Variants in TMEM117 observed in about 807,000 individuals in gnomAD.
The protein encoded by TMEM117 is transmembrane protein 117.
Under a neutral mutation model 52.4 loss-of-function variants are expected in TMEM117, and 27 were observed. The observed-to-expected ratio is 0.51, with a 90% confidence interval of 0.38 to 0.71. The LOEUF is 0.71. Ranked by LOEUF, TMEM117 falls within the 30% of genes least tolerant of loss-of-function variation. The probability of loss-of-function intolerance (pLI) is 0.00; values close to 1 mark genes in which losing one functional copy is unlikely to be tolerated. For synonymous variants in TMEM117, 215 were observed against 206.3 expected (o/e 1.04, Z -0.36); for missense variants, 556 against 630.5 (o/e 0.88, Z 1.26).
intron 2 of TMEM117, among the ~76,000 whole-genome samples, chr12:43,930,707 A>G (rs1231195323): frequency 6.6e-6 from 1 of 152,242 alleles, no homozygotes; most frequent in African/African-American, 2.4e-5. Flanking sequence ...GTCTTATGAC[A>G]TCCGTTGTTG....
intron 3 of TMEM117, among the ~76,000 whole-genome samples, chr12:44,082,286 A>G (rs1565820070): frequency 1.3e-5 from 2 of 151,920 alleles, no homozygotes; most frequent in Non-Finnish European, 2.9e-5. Context: ...TCCAAATTCA[A>G]CATTTTTTCT....
chr12:44,345,799 A>T (rs1951478616), intron 6 of TMEM117, among the ~76,000 whole-genome samples: 1 of 152,120 alleles, frequency 6.6e-6, no homozygotes, highest in Non-Finnish European at 1.5e-5. Flanking sequence ...TACATTTTAA[A>T]ATTGAAAATA....
chr12:44,035,207 T>A (rs1374144138), intron 3 of TMEM117, among the ~76,000 whole-genome samples: 1 of 152,210 alleles, frequency 6.6e-6, no homozygotes, highest in Non-Finnish European at 1.5e-5. Context: ...TCTGTTTCTA[T>A]TGAGTTCTCT....
chr12:43,797,114 TAAC>T, the TMEM117 span: 10 of 1,570,716 alleles, frequency 6.4e-6, no homozygotes, highest in African/African-American at 1.4e-4. Context: ...GTTCAAATAA[TAAC>T]AAATATAATT....
intron 4 of TMEM117, among the ~76,000 whole-genome samples, chr12:44,210,671 A>G (rs1313013561): frequency 6.6e-6 from 1 of 152,156 alleles, no homozygotes; most frequent in Non-Finnish European, 1.5e-5. Context: ...GTTTTCTATA[A>G]GTGGGAGAGA....
chr12:44,366,413 T>C (rs989585151), intron 6 of TMEM117, among the ~76,000 whole-genome samples: 1 of 152,128 alleles, frequency 6.6e-6, no homozygotes, highest in Non-Finnish European at 1.5e-5. Context: ...CATTGACCTC[T>C]GGACTAACAA....
In TMEM117 at chr12:44,092,023, A is replaced by G. The variant is rs377108146; in HGVS notation, c.411-51502A>G. ...AGAACTGATGAGGGGGGAAAAAAGT[A>G]TAGCCATCCCATGTGACACAAGAAG... is the stretch of plus-strand genomic sequence containing the variant. On this transcript the variant is annotated intron_variant, in intron 3 of 7. Transcript: ENST00000266534. Among the ~76,000 whole-genome samples, 5 of 152,212 alleles carry G rather than the reference A, an allele frequency of 3.3e-5. No individual in the cohort carries two copies. The East Asian group carries it at 9.6e-4, about 29-fold the overall frequency.
At chr12:44,022,803 A>G (rs933122001) in intron 3 of TMEM117, among the ~76,000 whole-genome samples, 14 of 152,338 alleles carry the variant, frequency 9.2e-5, no homozygotes, top group Admixed American at 2.0e-4. Context: ...TATAGACTTC[A>G]CACATATTAT....
intron 4 of TMEM117, among the ~76,000 whole-genome samples, chr12:44,160,539 C>T (rs551027585): frequency 2.0e-5 from 3 of 152,126 alleles, no homozygotes; most frequent in Non-Finnish European, 4.4e-5. Context: ...TGTGGTAACT[C>T]ACACCTGTGA....
chr12:44,080,098 T>C (rs1341001357), intron 3 of TMEM117, among the ~76,000 whole-genome samples: 2 of 151,884 alleles, frequency 1.3e-5, no homozygotes, highest in African/African-American at 2.4e-5. Context: ...CAGAGTACCA[T>C]TGTAGAACCT....
Position 44,376,457 on chromosome 12 carries a change from G to T in TMEM117, c.769-138G>T, listed in dbSNP as rs935187144. 4 of 1,002,576 alleles carry T rather than the reference G, an allele frequency of 4.0e-6. No homozygotes were observed. The Admixed American group carries it at 7.3e-5, about 18-fold the overall frequency. 62.1% of individuals were successfully genotyped at this position (1,002,576 alleles called of 1,614,324 possible). On this transcript the variant is annotated intron_variant, in intron 6 of 7. Transcript: ENST00000266534. ...TAATGTACATAAAATAACCATCACAGAATGAAACTGATATATCCAACAGCT... is the reference window on the plus strand; with the variant it reads ...TAATGTACATAAAATAACCATCACATAATGAAACTGATATATCCAACAGCT...
At chr12:44,387,788 G>A (rs999558597) in intron 7 of TMEM117, among the ~76,000 whole-genome samples, 20 of 152,180 alleles carry the variant, frequency 1.3e-4, no homozygotes, top group African/African-American at 4.3e-4. Context: ...TAGTATAAAT[G>A]CCATAAATTA....
At chr12:43,870,841 A>C (rs562724293) in intron 2 of TMEM117, among the ~76,000 whole-genome samples, 1 of 151,224 alleles carries the variant, frequency 6.6e-6, no homozygotes, top group Admixed American at 6.6e-5. Flanking sequence ...CTGGAGTGCA[A>C]TGGTGCTATC....
At chr12:43,950,696 G>T (rs1304988126) in intron 3 of TMEM117, among the ~76,000 whole-genome samples, 2 of 152,162 alleles carry the variant, frequency 1.3e-5, no homozygotes, top group Non-Finnish European at 2.9e-5. Context: ...GGGCTAGTGG[G>T]CTCAAGCATG....
chr12:44,051,183 C>T (rs1001191273), intron 3 of TMEM117, among the ~76,000 whole-genome samples: 1 of 152,064 alleles, frequency 6.6e-6, no homozygotes, highest in African/African-American at 2.4e-5. Flanking sequence ...CATGGATGCC[C>T]TTGAAGTCCT....
At chr12:44,121,029 A>G (rs1254108380) in intron 3 of TMEM117, among the ~76,000 whole-genome samples, 1 of 152,246 alleles carries the variant, frequency 6.6e-6, no homozygotes, top group Non-Finnish European at 1.5e-5. Context: ...TCATGGTGGA[A>G]GGTGAGAGGC....
chr12:44,030,050 T>G (rs542861509), intron 3 of TMEM117, among the ~76,000 whole-genome samples: 1 of 152,206 alleles, frequency 6.6e-6, no homozygotes, highest in Non-Finnish European at 1.5e-5. Flanking sequence ...ATAAAAGAGC[T>G]TTGATTAATT....
chr12:43,967,943 G>A (rs1346679290), intron 3 of TMEM117, among the ~76,000 whole-genome samples: 10 of 152,168 alleles, frequency 6.6e-5, no homozygotes, highest in Admixed American at 3.3e-4. Flanking sequence ...ATGTGTGAAG[G>A]ATAAGAGTTT....
intron 3 of TMEM117, among the ~76,000 whole-genome samples, chr12:43,979,221 A>G (rs994663083): frequency 4.6e-5 from 7 of 152,044 alleles, no homozygotes; most frequent in Non-Finnish European, 8.8e-5. Flanking sequence ...ATATGTATCC[A>G]AGATACTTCC....
Sources: allele counts gnomAD v4.1 joint callset (sites outside exome capture counted in the v4.1 genomes callset), GRCh38; gene constraint gnomAD v4.1.1; transcripts MANE v1.5; gene names NCBI Gene and HGNC (gene_info 2026-07-23, HGNC 2026-07-21).